TNMD: variants seen among roughly 807,000 people sequenced by gnomAD.
The protein encoded by TNMD is BRICHOS domain containing 4.
A neutral mutation model predicts 26.9 loss-of-function variants in TNMD; 15 were observed. The ratio of observed to expected loss-of-function variants is 0.56; its 90% CI spans 0.37 to 0.86. The LOEUF (loss-of-function observed/expected upper bound fraction) is 0.86, where lower values mean the gene tolerates loss of function less well. Ranked by LOEUF, TNMD falls within the 40% of genes least tolerant of loss-of-function variation. The pLI is 0.00. For missense variants in TNMD, 222 were observed against 242.6 expected (o/e 0.92, Z 0.56); for synonymous variants, 73 against 77.0 (o/e 0.95, Z 0.27).
intron 5 of TNMD, among the ~76,000 whole-genome samples, chrX:100,598,662 C>G (rs898423381): frequency 8.9e-6 from 1 of 112,276 alleles, no homozygotes; most frequent in African/African-American, 3.2e-5. Context: ...GATGTCAAAT[C>G]AATTCAGGCA....
At position 100,593,352 on chromosome X, in the gene TNMD, C is replaced by T. The variant is rs982398492; in HGVS notation, c.181-543C>T. The T allele has an allele frequency of 2.9e-5, 22 of 751,521 alleles. No individual in the cohort carries two copies. The African/African-American group carries it at 5.1e-4, about 18-fold the overall frequency. The allele number at this position is 751,521 out of a possible 1,213,427, so 61.9% of individuals were successfully genotyped here. A position where few individuals can be genotyped will look rare whatever the true frequency, so the allele number is the denominator to read the frequency against. On this transcript the variant is annotated intron_variant, in intron 2 of 6. Coordinates refer to ENST00000373031, the MANE Select transcript of TNMD (RefSeq NM_022144.3). The stretch of plus-strand genomic sequence containing the variant: ...GTATAAAGAGAAGGCTAAGGGAAGG[C>T]AATAAATGTTTCCTGGAGTTTAAGG...
At chrX:100,589,234 C>A (rs1488510936) in intron 2 of TNMD, among the ~76,000 whole-genome samples, 1 of 110,730 alleles carries the variant, frequency 9.0e-6, no homozygotes, top group Non-Finnish European at 1.9e-5. Context: ...TCCTACACCA[C>A]AGTCCGGTGG....
rs1203242870 is a variant in TNMD, at chrX:100,597,603, C to T, written c.523C>T (p.Leu175=). The T allele has an allele frequency of 8.3e-7, 1 of 1,209,544 alleles. No individual in the cohort carries two copies. The highest frequency in any genetic ancestry group is 1.7e-5 in the African/African-American group (1 of 57,170). ...AGATTTTCTTAAAAATTCCAAAATTCTGGAGATTTGTGATAACGTGACCAT... is the reference window on the plus strand; with the variant it reads ...AGATTTTCTTAAAAATTCCAAAATTTTGGAGATTTGTGATAACGTGACCAT... ...NRDFLKNSKI[L]EICDNVTMYW... is the part of the protein sequence containing the mutation. The change falls in exon 5 of 7, where the codon CTG becomes TTG. Residue 175 remains leucine (L), a synonymous_variant. Transcript: ENST00000373031.
chrX:100,585,157 A>G, intron 1 of TNMD, 74 bp from the exon 2 acceptor site: 1 of 1,182,139 alleles, frequency 8.5e-7, no homozygotes, highest in Non-Finnish European at 1.1e-6. Flanking sequence ...AGTGGAATCA[A>G]AGGTGACTTT....
intron 5 of TNMD, 71 bp downstream of exon 5, chrX:100,597,728 G>C (rs2082957017): frequency 9.7e-7 from 1 of 1,029,226 alleles, no homozygotes; most frequent in African/African-American, 1.9e-5. Flanking sequence ...CCAGCATTTA[G>C]AGGCTACATT....
chrX:100,598,614 T>A (rs999311773), intron 5 of TNMD, among the ~76,000 whole-genome samples: 1 of 111,773 alleles, frequency 8.9e-6, no homozygotes, highest in African/African-American at 3.3e-5. Context: ...TTAAAAAAAA[T>A]TTAAGACAAG....
chrX:100,599,020 T>C lies in TNMD; in HGVS notation c.582T>C (p.Ser194=). 1 of 1,192,468 alleles carries C rather than the reference T, an allele frequency of 8.4e-7. No individual in the cohort carries two copies. Among genetic ancestry groups the C allele is most frequent in the South Asian group, 1.9e-5 (1 of 52,518 alleles). The change falls in exon 6 of 7, where the codon TCT becomes TCC. Residue 194 remains serine (S), a synonymous_variant. Coordinates refer to ENST00000373031, the MANE Select transcript of TNMD (RefSeq NM_022144.3). ...ACTTTGCATTTATTATCTTAGTTTCTGAGTTACAAGACTTTGAGGAGGAGG... is the reference window on the plus strand; with the variant it reads ...ACTTTGCATTTATTATCTTAGTTTCCGAGTTACAAGACTTTGAGGAGGAGG... The part of the protein sequence containing the change: ...YWINPTLISV[S]ELQDFEEEGE...
chrX:100,593,879 T>C lies in TNMD; in HGVS notation c.181-16T>C. On this transcript the variant is annotated splice_polypyrimidine_tract_variant and intron_variant, in intron 2 of 6. Coordinates refer to ENST00000373031, the MANE Select transcript of TNMD (RefSeq NM_022144.3). ...ACACTGAGTATCTTAGAGATTGTTTTCCTCTGTTCTCCCAGGCCTATGACA... is the reference window on the plus strand; with the variant it reads ...ACACTGAGTATCTTAGAGATTGTTTCCCTCTGTTCTCCCAGGCCTATGACA... The C allele has an allele frequency of 8.3e-7, 1 of 1,206,805 alleles. No individual in the cohort carries two copies. Among genetic ancestry groups the C allele is most frequent in the Non-Finnish European group, 1.1e-6 (1 of 893,390 alleles).
At chrX:100,587,606 C>A (rs893449674) in intron 2 of TNMD, among the ~76,000 whole-genome samples, 4 of 111,789 alleles carry the variant, frequency 3.6e-5, no homozygotes, top group Non-Finnish European at 7.5e-5. Flanking sequence ...CTTCATAAGA[C>A]CAGGTTTGGT....
At chrX:100,587,121 T>C (rs1311646590) in intron 2 of TNMD, among the ~76,000 whole-genome samples, 4 of 111,868 alleles carry the variant, frequency 3.6e-5, no homozygotes, top group African/African-American at 1.3e-4. Context: ...TCCAAAAGAG[T>C]ATATGTGTTT....
intron 2 of TNMD, among the ~76,000 whole-genome samples, chrX:100,587,233 G>A (rs7058934): frequency 0.23 from 25,417 of 111,256 alleles, 2,857 homozygotes; most frequent in African/African-American, 0.43. Context: ...CAGCTTCATG[G>A]TCTCCTCTCT....
rs764973968 is a variant in TNMD at position 100,594,055 on chromosome X, C to G, written c.321+20C>G. On this transcript the variant is annotated intron_variant, in intron 3 of 6. Coordinates refer to ENST00000373031, the MANE Select transcript of TNMD (RefSeq NM_022144.3). ...AAAAACGTAAGTTGGATGTTTTCCTCCTAAGGCTTTCCACTTAAAATATTA... is the reference window on the plus strand; with the variant it reads ...AAAAACGTAAGTTGGATGTTTTCCTGCTAAGGCTTTCCACTTAAAATATTA... The G allele has an allele frequency of 1.7e-6, 2 of 1,193,755 alleles. No homozygotes were observed. Among genetic ancestry groups the G allele is most frequent in the Non-Finnish European group, 2.3e-6 (2 of 884,934 alleles).
At chrX:100,590,427 T>G (rs1473643681) in intron 2 of TNMD, among the ~76,000 whole-genome samples, 3 of 112,339 alleles carry the variant, frequency 2.7e-5, no homozygotes, top group Non-Finnish European at 3.8e-5. Flanking sequence ...AGCTTTACCT[T>G]TTCTAAATAG....
rs766292278 is a variant in TNMD at position 100,598,999 on chromosome X, T to C, written c.578-17T>C. 1 of 1,181,560 alleles carries C rather than the reference T, an allele frequency of 8.5e-7. No homozygotes were observed. Among genetic ancestry groups the C allele is most frequent in the Non-Finnish European group, 1.1e-6 (1 of 877,479 alleles). ...TTGCAAAGCAGTTGCATCACAACTT[T>C]GCATTTATTATCTTAGTTTCTGAGT... On this transcript the variant is annotated splice_polypyrimidine_tract_variant and intron_variant, in intron 5 of 6. Coordinates refer to ENST00000373031, the MANE Select transcript of TNMD (RefSeq NM_022144.3).
At position 100,597,515 on chromosome X, in the gene TNMD, TACC is replaced by T; in HGVS notation, c.438_440del (p.Thr148del). ...CTTTCTTCTTTCAGAATGAAGAAAT[TACC>T]ACAACTTTCTTTGAACAGTCAGTGA... On this transcript the variant is annotated inframe_deletion, in exon 5 of 7. Transcript: ENST00000373031. 8.3e-7 allele frequency: 1 copy of T among 1,211,710 alleles called. No homozygotes were observed.
chrX:100,588,131 G>T (rs2082926964), intron 2 of TNMD, among the ~76,000 whole-genome samples: 1 of 111,595 alleles, frequency 9.0e-6, no homozygotes, highest in African/African-American at 3.3e-5. Flanking sequence ...TCCCACATCT[G>T]GTGTTGACAT....
At chrX:100,598,831 C>T in intron 5 of TNMD, among the ~76,000 whole-genome samples, 185 bp from the exon 6 acceptor site, 1 of 111,987 alleles carries the variant, frequency 8.9e-6, no homozygotes, top group Non-Finnish European at 1.9e-5. Flanking sequence ...TAGAAATGAT[C>T]AGGCTTGTTT....
chrX:100,598,664 A>C (rs2082959689), intron 5 of TNMD, among the ~76,000 whole-genome samples: 2 of 112,625 alleles, frequency 1.8e-5, no homozygotes, highest in African/African-American at 6.5e-5. Flanking sequence ...TGTCAAATCA[A>C]TTCAGGCAAC....
chrX:100,599,108 G>T lies in TNMD; in HGVS notation c.670G>T (p.Val224Phe). 1.7e-6 allele frequency: 2 copies of T among 1,206,997 alleles called. No homozygotes were observed. Among genetic ancestry groups the T allele is most frequent in the African/African-American group, 3.5e-5 (2 of 57,567 alleles). The part of the protein sequence containing the change: ...KGIEQNEQWV[V>F]PQVKVEKTRH... ...GATTGAACAAAATGAACAGTGGGTG[G>T]TCCCTCAAGTGAAAGTAGAGAAGAC... The change falls in exon 6 of 7, where the codon GTC becomes TTC. Residue 224 changes from valine to phenylalanine, a missense_variant. Coordinates refer to ENST00000373031, the MANE Select transcript of TNMD (RefSeq NM_022144.3).
Sources: gnomAD v4.1 joint callset for allele counts (sites outside exome capture counted in the v4.1 genomes callset) on GRCh38, gnomAD v4.1.1 for gene constraint, MANE v1.5 for transcripts, NCBI Gene and HGNC (gene_info 2026-07-23, HGNC 2026-07-21) for gene names.